HMGA2: variants seen among roughly 807,000 people sequenced by gnomAD.
HMGA2 encodes high mobility group AT-hook 2, also known as high mobility group protein HMGI-C.
In HMGA2, 8 loss-of-function variants were observed where a neutral mutation model predicts 19.1. That is an observed-to-expected ratio of 0.42 (90% CI 0.25 to 0.76). The LOEUF (loss-of-function observed/expected upper bound fraction) is 0.76. HMGA2 is among the 30% of genes least tolerant of loss of function. The pLI, the probability that HMGA2 is intolerant of heterozygous loss-of-function variation, is 0.28. For missense variants in HMGA2, 109 were observed against 136.3 expected, an observed-to-expected ratio of 0.80 and a Z score of 1.00; for synonymous variants, 60 against 48.8, an observed-to-expected ratio of 1.23 and a Z score of -0.96.
chr12:65,931,615 A>G (rs1331912435), intron 3 of HMGA2, among the ~76,000 whole-genome samples: 1 of 151,486 alleles, frequency 6.6e-6, no homozygotes, highest in Admixed American at 6.6e-5. Flanking sequence ...ATATATCCAG[A>G]TGTGTCCAAA....
chr12:65,938,119 C>A (rs1046824767), intron 3 of HMGA2, among the ~76,000 whole-genome samples: 3 of 152,162 alleles, frequency 2.0e-5, no homozygotes, highest in Non-Finnish European at 4.4e-5. Flanking sequence ...CTTGACATTT[C>A]TGGAAGTGCC....
At chr12:65,962,987 A>G (rs1285454162) in intron 4 of HMGA2, among the ~76,000 whole-genome samples, 1 of 152,080 alleles carries the variant, frequency 6.6e-6, no homozygotes, top group Non-Finnish European at 1.5e-5. Flanking sequence ...ACAGCAAACA[A>G]TTGAATTTGC....
At chr12:65,897,057 G>A (rs1181376910) in intron 3 of HMGA2, among the ~76,000 whole-genome samples, 1 of 152,200 alleles carries the variant, frequency 6.6e-6, no homozygotes, top group African/African-American at 2.4e-5. Flanking sequence ...AGTGAAATTA[G>A]AATTATTTTA....
At chr12:65,847,260 A>C (rs1871269401) in intron 3 of HMGA2, among the ~76,000 whole-genome samples, 1 of 152,210 alleles carries the variant, frequency 6.6e-6, no homozygotes, top group South Asian at 2.1e-4. Flanking sequence ...TGGGTTAAAA[A>C]GATGGGTGTT....
At chr12:65,842,731 T>C in intron 3 of HMGA2, 1 of 1,441,190 alleles carries the variant, frequency 6.9e-7, no homozygotes, top group Non-Finnish European at 9.1e-7. Flanking sequence ...TTCTCAGAAC[T>C]TCTATAGAAT....
intron 3 of HMGA2, among the ~76,000 whole-genome samples, chr12:65,864,802 T>C (rs901605134): frequency 6.6e-6 from 1 of 152,210 alleles, no homozygotes; most frequent in African/African-American, 2.4e-5. Flanking sequence ...TATTTAACTA[T>C]GATTAGAAAT....
intron 3 of HMGA2, among the ~76,000 whole-genome samples, chr12:65,940,577 G>C (rs984585927): frequency 6.6e-6 from 1 of 152,054 alleles, no homozygotes; most frequent in Non-Finnish European, 1.5e-5. Flanking sequence ...TATTTTTATA[G>C]ATAAAAGAGG....
intron 3 of HMGA2, among the ~76,000 whole-genome samples, chr12:65,846,017 G>A (rs1592382177): frequency 6.6e-6 from 1 of 152,170 alleles, no homozygotes; most frequent in East Asian, 1.9e-4. Context: ...TCAGGAACAG[G>A]GGGTCAGCTC....
chr12:65,887,390 C>G (rs879342163), intron 3 of HMGA2, among the ~76,000 whole-genome samples: 1 of 152,158 alleles, frequency 6.6e-6, no homozygotes, highest in Non-Finnish European at 1.5e-5. Flanking sequence ...GAGTTCAAAA[C>G]CAGCCTGGCA....
At chr12:65,942,283 A>G (rs1363738226) in intron 3 of HMGA2, among the ~76,000 whole-genome samples, 1 of 152,230 alleles carries the variant, frequency 6.6e-6, no homozygotes, top group South Asian at 2.1e-4. Flanking sequence ...TCAAATATTT[A>G]TTCATTTTCC....
At chr12:65,961,683 A>G (rs1876755511) in intron 4 of HMGA2, among the ~76,000 whole-genome samples, 1 of 152,024 alleles carries the variant, frequency 6.6e-6, no homozygotes, top group Non-Finnish European at 1.5e-5. Context: ...AATATTTGAA[A>G]CCTTTTGCAA....
intron 3 of HMGA2, among the ~76,000 whole-genome samples, chr12:65,932,564 T>C (rs1875753096): frequency 6.6e-6 from 1 of 152,224 alleles, no homozygotes. Context: ...CAATGGATAG[T>C]TAAAAGGATA....
rs981868955 is a variant in HMGA2 at position 65,952,671 on chromosome 12, G to A, written c.282+1256G>A. 5 of 378,008 alleles carry A rather than the reference G, an allele frequency of 1.3e-5. 1 individual carries two copies. Among genetic ancestry groups the A allele is most frequent in the African/African-American group, 6.1e-5 (3 of 48,782 alleles). 23.4% of individuals were successfully genotyped at this position (378,008 alleles called of 1,614,324 possible). A position where few individuals can be genotyped will look rare whatever the true frequency, so the allele number is the denominator to read the frequency against. ...AACAAAAACTTGACATTTTCATTAG[G>A]AGAACCCAAATATATTTAGCCTCTC... On this transcript the variant is annotated intron_variant, in intron 4 of 4. Transcript: ENST00000403681.
intron 3 of HMGA2, among the ~76,000 whole-genome samples, chr12:65,902,982 G>T (rs907128707): frequency 6.6e-6 from 1 of 152,080 alleles, no homozygotes; most frequent in Non-Finnish European, 1.5e-5. Context: ...AGAAAATAAA[G>T]CAAGCTGAAG....
chr12:65,909,356 A>G (rs1874740560), intron 3 of HMGA2, among the ~76,000 whole-genome samples: 1 of 152,188 alleles, frequency 6.6e-6, no homozygotes, highest in Non-Finnish European at 1.5e-5. Context: ...GGAAATTTAA[A>G]CTATGGATTG....
In HMGA2 at chr12:65,825,245, C is replaced by T. The variant is rs1028255149; in HGVS notation, c.-26C>T. On this transcript the variant is annotated 5_prime_UTR_variant, in exon 1 of 5. Transcript: ENST00000403681. This position sits in a 1 kb window ranked among gnomAD's most constrained non-coding sequence, Gnocchi z 4.4. ...GGCGGTCGAGGCGAAGCGGCTGCAG[C>T]GGCGGTAGCGGCGGCGGGAGGCAGG... is the stretch of plus-strand genomic sequence containing the variant. The T allele has an allele frequency of 1.3e-6, 2 of 1,515,628 alleles. No individual in the cohort carries two copies. The highest frequency in any genetic ancestry group is 2.0e-5 in the Admixed American group (1 of 50,260). The allele number at this position is 1,515,628 out of a possible 1,614,324, so 93.9% of individuals were successfully genotyped here.
chr12:65,865,760 G>A (rs1301220252), intron 3 of HMGA2, among the ~76,000 whole-genome samples: 2 of 148,948 alleles, frequency 1.3e-5, no homozygotes, highest in Non-Finnish European at 3.0e-5. Context: ...TCAGCCTCCC[G>A]AGTAGCTGGG....
At chr12:65,950,668 A>G (rs968288612) in intron 3 of HMGA2, among the ~76,000 whole-genome samples, 1 of 152,198 alleles carries the variant, frequency 6.6e-6, no homozygotes, top group Non-Finnish European at 1.5e-5. Flanking sequence ...CTCTGAATAT[A>G]CTAAAATATA....
In HMGA2 at chr12:65,952,189, T is replaced by C. The variant is rs193008486; in HGVS notation, c.282+774T>C. 7.2e-4 allele frequency: 410 copies of C among 566,748 alleles called. 1 individual carries two copies. Among genetic ancestry groups the C allele is most frequent in the Non-Finnish European group, 9.5e-4 (304 of 318,950 alleles). The allele number at this position is 566,748 out of a possible 1,614,324, so 35.1% of individuals were successfully genotyped here. On this transcript the variant is annotated intron_variant, in intron 4 of 4. Coordinates refer to ENST00000403681, the MANE Select transcript of HMGA2 (RefSeq NM_003483.6). ...TGTTCTCTTCCCTTCTGTATGTAAA[T>C]AGTCATTGGAGATCCAGGTGGTATC...
Sources: gnomAD v4.1 joint callset for allele counts (sites outside exome capture counted in the v4.1 genomes callset) on GRCh38, gnomAD v4.1.1 for gene constraint, Gnocchi (gnomAD v3.1) non-coding constraint, MANE v1.5 for transcripts, NCBI Gene and HGNC (gene_info 2026-07-23, HGNC 2026-07-21) for gene names.